The following ADAMTS3 variants were observed in gnomAD, a reference collection of about 807,000 sequenced individuals.
The protein encoded by ADAMTS3 is ADAM metallopeptidase with thrombospondin type 1 motif 3, also known as A disintegrin and metalloproteinase with thrombospondin motifs 3.
In ADAMTS3, 73 loss-of-function variants were observed where a neutral mutation model predicts 129.0. That is an observed-to-expected ratio of 0.57 (90% CI 0.47 to 0.69). ADAMTS3 has a LOEUF of 0.69. Ranked by LOEUF, ADAMTS3 falls within the 30% of genes least tolerant of loss-of-function variation. The pLI, the probability that ADAMTS3 is intolerant of heterozygous loss-of-function variation, is 0.00. For synonymous variants in ADAMTS3, 477 were observed against 510.8 expected, an observed-to-expected ratio of 0.93 and a Z score of 0.89; for missense variants, 1,457 against 1,514.5, an observed-to-expected ratio of 0.96 and a Z score of 0.63.
intron 4 of ADAMTS3, 106 bp from the exon 5 acceptor site, chr4:72,339,799 A>G: frequency 1.2e-6 from 1 of 853,616 alleles, no homozygotes; most frequent in Admixed American, 2.3e-5. Flanking sequence ...TATCATTCAT[A>G]ATCACTGAGA....
intron 3 of ADAMTS3, among the ~76,000 whole-genome samples, chr4:72,474,064 C>A (rs1719155900): frequency 6.6e-6 from 1 of 152,196 alleles, no homozygotes; most frequent in East Asian, 1.9e-4. Flanking sequence ...TCCTTCCCCA[C>A]ATATCTGCTA....
At chr4:72,457,340 G>A (rs1019415274) in intron 3 of ADAMTS3, among the ~76,000 whole-genome samples, 1 of 151,598 alleles carries the variant, frequency 6.6e-6, no homozygotes, top group Non-Finnish European at 1.5e-5. Context: ...TAATTGACTT[G>A]TAGTATAAGG....
At chr4:72,335,883 C>G (rs1244695468) in intron 5 of ADAMTS3, among the ~76,000 whole-genome samples, 1 of 152,112 alleles carries the variant, frequency 6.6e-6, no homozygotes, top group Non-Finnish European at 1.5e-5. Flanking sequence ...TCTACCTCTA[C>G]ATTATTTATA....
rs147621501 is a variant in ADAMTS3, at chr4:72,441,293, A to G, written c.505-26322T>C. Among the ~76,000 whole-genome samples, 310 of 151,798 alleles carry G rather than the reference A, an allele frequency of 2.0e-3. 3 individuals are homozygous for G. The highest frequency in any genetic ancestry group is 7.3e-3 in the African/African-American group (301 of 41,472). On this transcript the variant is annotated intron_variant, in intron 3 of 21. Transcript: ENST00000286657. ...ATTTCATTATATGAACACACTATAT[A>G]TTTTATGTATTTTTCAACATTTGTA...
chr4:72,312,198 A>T, intron 13 of ADAMTS3, 93 bp downstream of exon 13: 1 of 1,387,414 alleles, frequency 7.2e-7, no homozygotes, highest in South Asian at 1.3e-5. Flanking sequence ...AAGTTACCAC[A>T]TAGGGATCAA....
At chr4:72,490,940 T>C (rs1719724626) in intron 3 of ADAMTS3, among the ~76,000 whole-genome samples, 1 of 151,934 alleles carries the variant, frequency 6.6e-6, no homozygotes, top group Non-Finnish European at 1.5e-5. Flanking sequence ...TTAACAATAT[T>C]AATTCTTCCA....
intron 4 of ADAMTS3, among the ~76,000 whole-genome samples, chr4:72,348,605 G>C (rs1402841628): frequency 6.6e-6 from 1 of 151,942 alleles, no homozygotes; most frequent in African/African-American, 2.4e-5. Context: ...TGGTACAATT[G>C]ACCATAAGAT....
intron 5 of ADAMTS3, among the ~76,000 whole-genome samples, chr4:72,330,080 A>T (rs940192404): frequency 3.9e-5 from 6 of 152,042 alleles, no homozygotes; most frequent in African/African-American, 1.4e-4. Flanking sequence ...GTACAATGGC[A>T]TCATCTCGGC....
intron 3 of ADAMTS3, among the ~76,000 whole-genome samples, chr4:72,533,759 G>C (rs192998011): frequency 1.2e-3 from 158 of 135,620 alleles, no homozygotes; most frequent in African/African-American, 4.2e-3. Flanking sequence ...ATCTTCCAAA[G>C]CTGTAATAGC....
At chr4:72,333,997 G>T (rs1414465315) in intron 5 of ADAMTS3, among the ~76,000 whole-genome samples, 3 of 151,732 alleles carry the variant, frequency 2.0e-5, no homozygotes, top group African/African-American at 7.3e-5. Context: ...GGGACTACAG[G>T]CACCTGCCAC....
chr4:72,535,124 C>A (rs1293704691), intron 3 of ADAMTS3, among the ~76,000 whole-genome samples: 1 of 152,114 alleles, frequency 6.6e-6, no homozygotes, highest in Non-Finnish European at 1.5e-5. Context: ...CAGTTAATAC[C>A]ATTCTCAGAG....
At chr4:72,434,871 T>A (rs1267124762) in intron 3 of ADAMTS3, among the ~76,000 whole-genome samples, 15 of 151,948 alleles carry the variant, frequency 9.9e-5, no homozygotes, top group Admixed American at 8.5e-4. Context: ...TCTATGCAGA[T>A]GATTACATGT....
chr4:72,549,994 G>A (rs397832475), intron 2 of ADAMTS3, among the ~76,000 whole-genome samples: 845 of 6,246 alleles, frequency 0.14, 119 homozygotes, highest in African/African-American at 0.16. Context: ...AAGAAGAAGA[G>A]GAAGAGGAAG....
intron 3 of ADAMTS3, among the ~76,000 whole-genome samples, chr4:72,465,500 G>A (rs145737725): frequency 2.7e-3 from 409 of 152,030 alleles, no homozygotes; most frequent in African/African-American, 9.2e-3. Context: ...GGGGCGATAT[G>A]ATCTGATTTA....
At chr4:72,384,610 C>T (rs979174880) in intron 4 of ADAMTS3, among the ~76,000 whole-genome samples, 4 of 152,008 alleles carry the variant, frequency 2.6e-5, no homozygotes, top group Admixed American at 2.6e-4. Context: ...CACATAAAAA[C>T]ATTTTCAGAT....
At chr4:72,395,733 C>G (rs184057862) in intron 4 of ADAMTS3, among the ~76,000 whole-genome samples, 1 of 152,204 alleles carries the variant, frequency 6.6e-6, no homozygotes, top group East Asian at 1.9e-4. Context: ...TTATTACAGT[C>G]TTGAAAATTT....
chr4:72,283,678 T>C lies in ADAMTS3; in HGVS notation c.3076A>G (p.Ile1026Val). The C allele has an allele frequency of 1.9e-6, 3 of 1,595,218 alleles. No individual in the cohort carries two copies. The highest frequency in any genetic ancestry group is 2.6e-6 in the Non-Finnish European group (3 of 1,167,128). Reference protein sequence around the residue: ...NDEPCLGDKSIFCQMEVLARY... With the variant: ...NDEPCLGDKSVFCQMEVLARY... Reference sequence around the variant, plus strand: ...GCCAACACTTCCATTTGACAGAATATGGACTTGTCTCCCAAACATGGTTCA... The same window carrying C: ...GCCAACACTTCCATTTGACAGAATACGGACTTGTCTCCCAAACATGGTTCA... The change falls in exon 22 of 22, where the codon ATA becomes GTA. Residue 1026 changes from isoleucine to valine, a missense_variant. By Grantham distance (29) the Ile-to-Val change is conservative. Coordinates refer to ENST00000286657, the MANE Select transcript of ADAMTS3 (RefSeq NM_014243.3).
chr4:72,450,965 CAAA>C (rs57756087), intron 3 of ADAMTS3, among the ~76,000 whole-genome samples: 1 of 73,086 alleles, frequency 1.4e-5, no homozygotes, highest in Non-Finnish European at 3.0e-5. Context: ...GGCAGGCAGG[CAAA>C]AAGAAGAGAA....
At chr4:72,343,250 G>C (rs1022450638) in intron 4 of ADAMTS3, among the ~76,000 whole-genome samples, 1 of 152,144 alleles carries the variant, frequency 6.6e-6, no homozygotes, top group Non-Finnish European at 1.5e-5. Flanking sequence ...GCAAAGAGAA[G>C]GGAAGATGGA....
Sources: gnomAD v4.1 joint callset for allele counts (sites outside exome capture counted in the v4.1 genomes callset) on GRCh38, gnomAD v4.1.1 for gene constraint, MANE v1.5 for transcripts, NCBI Gene and HGNC (gene_info 2026-07-23, HGNC 2026-07-21) for gene names.